UNC5D: variants seen among roughly 807,000 people sequenced by gnomAD.
UNC5D encodes unc-5 netrin receptor D, also known as netrin receptor UNC5D.
Under a neutral mutation model 105.4 loss-of-function variants are expected in UNC5D, and 39 were observed. The observed-to-expected ratio is 0.37, with a 90% CI of 0.29 to 0.48. The LOEUF (loss-of-function observed/expected upper bound fraction) is 0.48. Ranked by LOEUF, UNC5D falls within the 20% of genes least tolerant of loss-of-function variation. The pLI is 0.98. For missense variants in UNC5D, 991 were observed against 1,202.4 expected (o/e 0.82, Z 2.60); for synonymous variants, 452 against 450.4 (o/e 1.00, Z -0.04).
chr8:35,460,040 G>A lies in UNC5D; in HGVS notation c.104-89252G>A, dbSNP rs1007839280. On this transcript the variant is annotated intron_variant, in intron 1 of 16. Transcript: ENST00000404895. ...AGTGAGTGTCAGCCAGCCCACCTGA[G>A]CAAAAGAGCCAGTCTCTAAATGATT... Among the ~76,000 whole-genome samples, 5 of 152,164 alleles carry A rather than the reference G, an allele frequency of 3.3e-5. No individual in the cohort carries two copies. The South Asian group carries it at 8.3e-4, about 25-fold the overall frequency.
intron 1 of UNC5D, among the ~76,000 whole-genome samples, chr8:35,510,238 G>A (rs891158302): frequency 1.2e-4 from 18 of 148,418 alleles, no homozygotes; most frequent in African/African-American, 4.5e-4. Context: ...CTTGGTCTTG[G>A]TCTTTCCAGT....
At chr8:35,687,913 G>A (rs754558441) in intron 7 of UNC5D, among the ~76,000 whole-genome samples, 7 of 151,988 alleles carry the variant, frequency 4.6e-5, no homozygotes, top group Non-Finnish European at 8.8e-5. Flanking sequence ...TAAAAAACAC[G>A]AGGTCAGGTG....
chr8:35,378,647 C>T (rs569225137), intron 1 of UNC5D, among the ~76,000 whole-genome samples: 1 of 152,308 alleles, frequency 6.6e-6, no homozygotes, highest in African/African-American at 2.4e-5. Flanking sequence ...CTTTTGGAAG[C>T]CATGTGGCCA....
At chr8:35,252,188 G>C (rs1306055743) in intron 1 of UNC5D, among the ~76,000 whole-genome samples, 1 of 151,864 alleles carries the variant, frequency 6.6e-6, no homozygotes, top group East Asian at 1.9e-4. Context: ...CTTTATTTAT[G>C]AAAAGCCCCT....
chr8:35,537,547 G>T (rs918366025), intron 1 of UNC5D, among the ~76,000 whole-genome samples: 1 of 152,076 alleles, frequency 6.6e-6, no homozygotes, highest in African/African-American at 2.4e-5. Context: ...TGGGCATGGT[G>T]TCACACATCT....
chr8:35,433,501 C>CA (rs1294262704), intron 1 of UNC5D, among the ~76,000 whole-genome samples: 2 of 151,590 alleles, frequency 1.3e-5, no homozygotes, highest in African/African-American at 4.8e-5. Flanking sequence ...ACTCCCCCTT[C>CA]AAAAAAAATA....
chr8:35,277,010 G>A lies in UNC5D; in HGVS notation c.103+41123G>A, dbSNP rs10088968. On this transcript the variant is annotated intron_variant, in intron 1 of 16. Transcript: ENST00000404895. ...ACTCAGAACTTATAGATTAAAAGAAGTTAATCACTAATGTCTTTAGATGAA... is the reference window on the plus strand; with the variant it reads ...ACTCAGAACTTATAGATTAAAAGAAATTAATCACTAATGTCTTTAGATGAA... 8.2e-3 allele frequency among the ~76,000 whole-genome samples: 1,246 copies of A among 152,278 alleles called. 19 individuals are homozygous for A. The highest frequency in any genetic ancestry group is 0.029 in the African/African-American group (1,205 of 41,566).
chr8:35,566,175 TG>T (rs1215611408), intron 2 of UNC5D, among the ~76,000 whole-genome samples: 1 of 152,208 alleles, frequency 6.6e-6, no homozygotes, highest in African/African-American at 2.4e-5. Context: ...TTCTGTTACG[TG>T]GGTTCCTCCT....
At chr8:35,607,973 T>G (rs1820422125) in intron 4 of UNC5D, among the ~76,000 whole-genome samples, 1 of 152,148 alleles carries the variant, frequency 6.6e-6, no homozygotes, top group African/African-American at 2.4e-5. Context: ...TGTCTTTGAA[T>G]TTCTTCTTAT....
At chr8:35,295,171 C>T (rs1045646415) in intron 1 of UNC5D, among the ~76,000 whole-genome samples, 4 of 152,114 alleles carry the variant, frequency 2.6e-5, no homozygotes, top group Admixed American at 6.5e-5. Flanking sequence ...AGTTTGTTTA[C>T]ATTTCTCTCA....
rs535820749 is a variant in UNC5D, at chr8:35,659,598, GCA to G, written c.571-23944_571-23943del. Among the ~76,000 whole-genome samples, 50 of 152,282 alleles carry G rather than the reference GCA, an allele frequency of 3.3e-4. No homozygotes were observed. The East Asian group carries it at 9.5e-3, about 29-fold the overall frequency. ...GAATCTTTAAGGTTAATTTGTGCAA[GCA>G]CACATACGTATGTGCGCATGCACAC... On this transcript the variant is annotated intron_variant, in intron 4 of 16. Transcript: ENST00000404895.
chr8:35,295,381 T>G (rs1412016052), intron 1 of UNC5D, among the ~76,000 whole-genome samples: 1 of 152,240 alleles, frequency 6.6e-6, no homozygotes, highest in Admixed American at 6.5e-5. Context: ...TCTGCAAGTT[T>G]TTTTCAAATT....
chr8:35,319,857 A>T (rs1809591156), intron 1 of UNC5D, among the ~76,000 whole-genome samples: 1 of 151,970 alleles, frequency 6.6e-6, no homozygotes, highest in South Asian at 2.1e-4. Flanking sequence ...TTAAATTATT[A>T]TCAGGCCCAG....
At chr8:35,521,459 A>G (rs1056569994) in intron 1 of UNC5D, among the ~76,000 whole-genome samples, 3 of 152,226 alleles carry the variant, frequency 2.0e-5, no homozygotes, top group Non-Finnish European at 4.4e-5. Flanking sequence ...GAAAAGGACC[A>G]TGTTTTAAGA....
intron 1 of UNC5D, among the ~76,000 whole-genome samples, chr8:35,371,192 ACAC>A (rs1353815185): frequency 1.3e-5 from 2 of 152,136 alleles, no homozygotes; most frequent in East Asian, 1.9e-4. Flanking sequence ...ACACACACAC[ACAC>A]ACACACACAA....
chr8:35,777,162 G>A (rs1281940440), intron 16 of UNC5D, among the ~76,000 whole-genome samples: 1 of 152,222 alleles, frequency 6.6e-6, no homozygotes, highest in Non-Finnish European at 1.5e-5. Context: ...GCTGAGGCAG[G>A]AGAATTGCTT....
At chr8:35,754,757 T>G (rs1830438779) in intron 13 of UNC5D, among the ~76,000 whole-genome samples, 1 of 152,208 alleles carries the variant, frequency 6.6e-6, no homozygotes, top group Non-Finnish European at 1.5e-5. Context: ...GATTCTCATT[T>G]GCTCTGGGGG....
chr8:35,660,409 C>T (rs1198835261), intron 4 of UNC5D, among the ~76,000 whole-genome samples: 2 of 152,166 alleles, frequency 1.3e-5, no homozygotes, highest in African/African-American at 2.4e-5. Flanking sequence ...TGATCTGTAA[C>T]CATGACTTCA....
chr8:35,472,103 AT>A (rs1809775109), intron 1 of UNC5D, among the ~76,000 whole-genome samples: 1 of 152,244 alleles, frequency 6.6e-6, no homozygotes, highest in South Asian at 2.1e-4. Context: ...TTATGTAGAA[AT>A]GAAAGATCAA....
Sources: gnomAD v4.1 joint callset for allele counts (sites outside exome capture counted in the v4.1 genomes callset) on GRCh38, gnomAD v4.1.1 for gene constraint, MANE v1.5 for transcripts, NCBI Gene and HGNC (gene_info 2026-07-23, HGNC 2026-07-21) for gene names.